Variants in EZR observed in about 807,000 individuals in gnomAD.
EZR encodes the protein ezrin, also known as cytovillin 2.
In EZR, 40 loss-of-function variants were observed where a neutral mutation model predicts 74.8. The observed-to-expected ratio is 0.53, with a 90% CI of 0.42 to 0.70. EZR has a LOEUF of 0.70. Among genes scored for constraint, EZR ranks in the 30% least tolerant of loss-of-function variants. EZR has a pLI of 0.00. For synonymous variants in EZR, 341 were observed against 283.3 expected (o/e 1.20, Z -2.05); for missense variants, 678 against 755.8 (o/e 0.90, Z 1.21).
chr6:158,767,160 A>G (rs1790907451), intron 13 of EZR, 82 bp from the exon 14 acceptor site: 1 of 1,589,874 alleles, frequency 6.3e-7, no homozygotes, highest in Admixed American at 1.7e-5. Flanking sequence ...GAAGGGCAAG[A>G]GGGGTGCTGG....
chr6:158,796,482 T>C (rs1053189881), intron 2 of EZR, among the ~76,000 whole-genome samples: 5 of 152,220 alleles, frequency 3.3e-5, no homozygotes, highest in Non-Finnish European at 7.3e-5. Context: ...GCTGCTGATA[T>C]TGAGTGGCTG....
intron 12 of EZR, 34 bp downstream of exon 12, chr6:158,769,292 T>A (rs769583401): frequency 1.6e-5 from 26 of 1,590,672 alleles, no homozygotes; most frequent in Non-Finnish European, 5.1e-6. Context: ...ACAGGTGCTG[T>A]GGCCGTGCGG....
At chr6:158,819,070 G>GCCCAGGCA (rs1777633043) in intron 1 of EZR, among the ~76,000 whole-genome samples, 1 of 152,074 alleles carries the variant, frequency 6.6e-6, no homozygotes, top group African/African-American at 2.4e-5. Context: ...GAGGGACGGC[G>GCCCAGGCA]CCCAGGCACC....
chr6:158,790,816 C>G (rs183902802), intron 2 of EZR, among the ~76,000 whole-genome samples: 1 of 152,334 alleles, frequency 6.6e-6, no homozygotes, highest in African/African-American at 2.4e-5. Context: ...CTTTATGTCA[C>G]TGTCCCAAAG....
intron 2 of EZR, among the ~76,000 whole-genome samples, chr6:158,803,539 ATATATG>A (rs768804641): frequency 0.24 from 1,145 of 4,854 alleles, 78 homozygotes; most frequent in Middle Eastern, 0.33. Context: ...ATATATATAT[ATATATG>A]TATATATATA....
At chr6:158,801,533 G>A (rs964377120) in intron 2 of EZR, among the ~76,000 whole-genome samples, 2 of 152,174 alleles carry the variant, frequency 1.3e-5, no homozygotes, top group African/African-American at 4.8e-5. Flanking sequence ...ACATTTCAGT[G>A]CGCCATTTTA....
intron 7 of EZR, among the ~76,000 whole-genome samples, chr6:158,780,182 C>CAAA (rs67002848): frequency 1.7e-4 from 21 of 127,216 alleles, no homozygotes; most frequent in African/African-American, 4.5e-4. Flanking sequence ...GATTCCATAT[C>CAAA]AAAAAAAAAA....
intron 5 of EZR, 111 bp downstream of exon 5, chr6:158,785,198 T>C: frequency 7.3e-7 from 1 of 1,373,158 alleles, no homozygotes; most frequent in Non-Finnish European, 9.9e-7. Flanking sequence ...GAAGGAGCAC[T>C]TGACACTGGC....
Position 158,806,873 on chromosome 6 carries a change from A to C in EZR, c.12+11209T>G, listed in dbSNP as rs1417969442. On this transcript the variant is annotated intron_variant, in intron 2 of 13. Transcript: ENST00000367075. ...CAACATCCCAGCAGCCAACACCCTT[A>C]ATTATTTAACTGAGGCAATGAAACA... Among the ~76,000 whole-genome samples, 4 of 152,296 alleles carry C rather than the reference A, an allele frequency of 2.6e-5. No individual in the cohort carries two copies. The East Asian group carries it at 7.7e-4, about 29-fold the overall frequency.
intron 12 of EZR, among the ~76,000 whole-genome samples, chr6:158,768,606 T>C (rs1790993834): frequency 6.6e-6 from 1 of 152,052 alleles, no homozygotes; most frequent in South Asian, 2.1e-4. Context: ...GTGGGAACCA[T>C]CCCCAGAGCT....
At chr6:158,798,843 G>A (rs2128573442) in intron 2 of EZR, among the ~76,000 whole-genome samples, 1 of 152,004 alleles carries the variant, frequency 6.6e-6, no homozygotes, top group East Asian at 1.9e-4. Context: ...TGCCCAGGGT[G>A]GCCTCGAACT....
chr6:158,807,803 G>A (rs1001152610), intron 2 of EZR, among the ~76,000 whole-genome samples: 34 of 152,176 alleles, frequency 2.2e-4, no homozygotes, highest in Non-Finnish European at 3.7e-4. Flanking sequence ...GAGGGGCTGA[G>A]GAAGGCACGG....
chr6:158,806,550 T>A (rs1205607605), intron 2 of EZR, among the ~76,000 whole-genome samples: 1 of 151,380 alleles, frequency 6.6e-6, no homozygotes, highest in Non-Finnish European at 1.5e-5. Flanking sequence ...CTTCAGTATA[T>A]TGCTCTAAAG....
chr6:158,768,824 T>A (rs2128563934), intron 12 of EZR, among the ~76,000 whole-genome samples: 1 of 152,292 alleles, frequency 6.6e-6, no homozygotes, highest in South Asian at 2.1e-4. Flanking sequence ...GTGATGCTAC[T>A]AGCCCCCAAA....
chr6:158,776,563 AAG>A (rs1335531472), intron 7 of EZR, 59 bp from the exon 8 acceptor site: 4 of 1,242,484 alleles, frequency 3.2e-6, no homozygotes, highest in South Asian at 1.4e-5. Flanking sequence ...TGGATTGGCT[AAG>A]AGAGATTCGC....
intron 2 of EZR, among the ~76,000 whole-genome samples, chr6:158,806,427 CA>C (rs574870041): frequency 1.3e-5 from 2 of 151,894 alleles, no homozygotes; most frequent in East Asian, 3.9e-4. Flanking sequence ...CATGATCCTC[CA>C]CACTCTCTTT....
intron 2 of EZR, among the ~76,000 whole-genome samples, chr6:158,810,221 C>T (rs977439982): frequency 1.3e-5 from 2 of 152,138 alleles, no homozygotes; most frequent in African/African-American, 4.8e-5. Flanking sequence ...AAAAGGATAA[C>T]TTAATGAAGT....
chr6:158,767,749 CTTT>C (rs374875801), intron 12 of EZR, among the ~76,000 whole-genome samples: 3 of 152,024 alleles, frequency 2.0e-5, no homozygotes, highest in Non-Finnish European at 4.4e-5. Context: ...ACTACCATTT[CTTT>C]TTTTACCTGT....
At chr6:158,796,187 C>T (rs563786069) in intron 2 of EZR, among the ~76,000 whole-genome samples, 4 of 152,196 alleles carry the variant, frequency 2.6e-5, no homozygotes, top group East Asian at 1.9e-4. Context: ...AGTGTTTTCA[C>T]GGAGAAGGGA....
Sources: allele counts gnomAD v4.1 joint callset (sites outside exome capture counted in the v4.1 genomes callset), GRCh38; gene constraint gnomAD v4.1.1; transcripts MANE v1.5; gene names NCBI Gene and HGNC (gene_info 2026-07-23, HGNC 2026-07-21).